Variants in L3MBTL4 observed in about 807,000 individuals in gnomAD.
The protein encoded by L3MBTL4 is lethal(3)malignant brain tumor-like protein 4.
A neutral mutation model predicts 84.5 loss-of-function variants in L3MBTL4; 70 were observed. The observed-to-expected ratio is 0.83, with a 90% CI of 0.68 to 1.01. The LOEUF (loss-of-function observed/expected upper bound fraction) is 1.01. Among genes scored for constraint, L3MBTL4 ranks in the 50% least tolerant of loss-of-function variants. The pLI, the probability that L3MBTL4 is intolerant of heterozygous loss-of-function variation, is 0.00. For synonymous variants in L3MBTL4, 274 were observed against 259.8 expected (o/e 1.05, Z -0.52); for missense variants, 715 against 754.8 (o/e 0.95, Z 0.62).
intron 15 of L3MBTL4, among the ~76,000 whole-genome samples, chr18:6,088,555 T>C (rs1430123781): frequency 1.4e-5 from 2 of 141,780 alleles, no homozygotes; most frequent in Admixed American, 6.9e-5. Flanking sequence ...CAGGCGATGA[T>C]GGGGAGTGAG....
intron 4 of L3MBTL4, among the ~76,000 whole-genome samples, chr18:6,277,160 A>AT (rs1395835142): frequency 9.2e-6 from 1 of 108,482 alleles, no homozygotes; most frequent in Non-Finnish European, 1.8e-5. Context: ...CGGGGGAGGG[A>AT]TAGTATTGGG....
At chr18:6,319,967 G>C (rs150568254) in intron 1 of L3MBTL4, among the ~76,000 whole-genome samples, 36 of 152,130 alleles carry the variant, frequency 2.4e-4, no homozygotes, top group African/African-American at 8.2e-4. Flanking sequence ...TTTTATTCCA[G>C]AGACGGAGGG....
chr18:6,284,737 A>G (rs2049486564), intron 4 of L3MBTL4, among the ~76,000 whole-genome samples: 1 of 152,076 alleles, frequency 6.6e-6, no homozygotes, highest in Admixed American at 6.5e-5. Context: ...GAGCAATTCT[A>G]TGATCCCATG....
chr18:6,002,158 GA>G (rs139515598), intron 16 of L3MBTL4, among the ~76,000 whole-genome samples: 7,805 of 151,988 alleles, frequency 0.051, 473 homozygotes, highest in Admixed American at 0.17. Context: ...AGTGCTGAAA[GA>G]AAAAAATAAA....
chr18:6,378,171 T>G lies in L3MBTL4; in HGVS notation c.-91+36630A>C, dbSNP rs147352250. 2.7e-3 allele frequency among the ~76,000 whole-genome samples: 411 copies of G among 152,330 alleles called. 3 individuals are homozygous for G. The highest frequency in any genetic ancestry group is 9.5e-3 in the African/African-American group (394 of 41,578). The stretch of plus-strand genomic sequence containing the variant: ...CCCACTTTTGGATGGGGTTGTTTGT[T>G]TTTTTCTTGTAAATTTGTTTAAGTT... On this transcript the variant is annotated intron_variant, in intron 1 of 18. Coordinates refer to ENST00000317931, the MANE Select transcript of L3MBTL4 (RefSeq NM_001330559.2).
intron 1 of L3MBTL4, among the ~76,000 whole-genome samples, chr18:6,411,180 T>C (rs2055948976): frequency 6.6e-6 from 1 of 152,268 alleles, no homozygotes; most frequent in Non-Finnish European, 1.5e-5. Context: ...AAGCATCTTC[T>C]AATTTCATCG....
intron 3 of L3MBTL4, among the ~76,000 whole-genome samples, chr18:6,304,126 GT>G: frequency 6.6e-6 from 1 of 151,626 alleles, no homozygotes; most frequent in Non-Finnish European, 1.5e-5. Flanking sequence ...AAGCAAACTA[GT>G]TTTTAACTGA....
chr18:6,302,780 C>T (rs1034071264), intron 3 of L3MBTL4, among the ~76,000 whole-genome samples: 2 of 152,008 alleles, frequency 1.3e-5, no homozygotes, highest in Admixed American at 6.5e-5. Flanking sequence ...GAAAGGAGTT[C>T]GAAATCAACC....
chr18:6,023,633 A>G (rs672036), intron 16 of L3MBTL4, among the ~76,000 whole-genome samples: 26,555 of 152,206 alleles, frequency 0.17, 2,973 homozygotes, highest in African/African-American at 0.31. Context: ...AGAGTTTAAT[A>G]GTTTACAACT....
intron 14 of L3MBTL4, among the ~76,000 whole-genome samples, chr18:6,130,849 C>T (rs1156874713): frequency 6.9e-6 from 1 of 144,136 alleles, no homozygotes; most frequent in Non-Finnish European, 1.5e-5. Flanking sequence ...AAATTGTGTG[C>T]CAAAAGTCCT....
chr18:6,313,387 T>C (rs765308892), intron 1 of L3MBTL4, among the ~76,000 whole-genome samples: 4 of 152,248 alleles, frequency 2.6e-5, no homozygotes, highest in Non-Finnish European at 5.9e-5. Flanking sequence ...TTTCCCTTTT[T>C]CTTTAATATA....
chr18:6,349,645 AG>A (rs1315716365), intron 1 of L3MBTL4, among the ~76,000 whole-genome samples: 3 of 152,132 alleles, frequency 2.0e-5, no homozygotes, highest in Non-Finnish European at 4.4e-5. Context: ...ACTTGAGCTC[AG>A]GGGATTGAGG....
intron 13 of L3MBTL4, among the ~76,000 whole-genome samples, chr18:6,148,193 A>C (rs1381732005): frequency 2.6e-5 from 4 of 152,234 alleles, no homozygotes; most frequent in Admixed American, 6.5e-5. Flanking sequence ...TCAATTTTAG[A>C]TATCTCCCCA....
At chr18:6,141,454 T>C (rs1483442091) in intron 13 of L3MBTL4, among the ~76,000 whole-genome samples, 1 of 152,146 alleles carries the variant, frequency 6.6e-6, no homozygotes, top group Non-Finnish European at 1.5e-5. Context: ...GTCTCTGTAG[T>C]TATTTCTTAA....
chr18:6,026,415 A>G (rs2055506837), intron 16 of L3MBTL4, among the ~76,000 whole-genome samples: 1 of 152,224 alleles, frequency 6.6e-6, no homozygotes, highest in Admixed American at 6.5e-5. Context: ...CCAATTTGTA[A>G]TGACTTTAGC....
intron 5 of L3MBTL4, among the ~76,000 whole-genome samples, chr18:6,247,181 A>G (rs1370108250): frequency 6.6e-6 from 1 of 152,182 alleles, no homozygotes; most frequent in Non-Finnish European, 1.5e-5. Context: ...AGAATAGAAC[A>G]TTCTCTTGCA....
intron 16 of L3MBTL4, among the ~76,000 whole-genome samples, chr18:6,047,077 C>G (rs2056653524): frequency 6.6e-6 from 1 of 152,020 alleles, no homozygotes; most frequent in African/African-American, 2.4e-5. Flanking sequence ...TACAACCAAT[C>G]CCACGGAAAT....
chr18:6,046,778 A>G (rs779169571), intron 16 of L3MBTL4: 1 of 771,610 alleles, frequency 1.3e-6, no homozygotes, highest in Non-Finnish European at 2.4e-6. Context: ...AGTTTATGAC[A>G]TAAACACTTA....
chr18:6,081,891 T>C (rs1206807434), intron 15 of L3MBTL4, among the ~76,000 whole-genome samples: 1 of 152,220 alleles, frequency 6.6e-6, no homozygotes, highest in Non-Finnish European at 1.5e-5. Flanking sequence ...ATCAAGACTT[T>C]TTATCAAAAA....
Sources: gnomAD v4.1 joint callset for allele counts (sites outside exome capture counted in the v4.1 genomes callset) on GRCh38, gnomAD v4.1.1 for gene constraint, MANE v1.5 for transcripts, NCBI Gene and HGNC (gene_info 2026-07-23, HGNC 2026-07-21) for gene names.